KCNN2: variants seen among roughly 807,000 people sequenced by gnomAD.
KCNN2 encodes the protein small conductance calcium-activated potassium channel protein 2.
Under a neutral mutation model 55.5 loss-of-function variants are expected in KCNN2, and 24 were observed. The ratio of observed to expected loss-of-function variants is 0.43; its 90% CI spans 0.31 to 0.61. The LOEUF is 0.61. Ranked by LOEUF, KCNN2 falls within the 20% of genes least tolerant of loss-of-function variation. The pLI, the probability that KCNN2 is intolerant of heterozygous loss-of-function variation, is 0.08. For synonymous variants in KCNN2, 431 were observed against 336.1 expected, an observed-to-expected ratio of 1.28 and a Z score of -3.09; for missense variants, 754 against 853.6, an observed-to-expected ratio of 0.88 and a Z score of 1.45.
chr5:114,392,793 T>A (rs975573806), intron 2 of KCNN2, among the ~76,000 whole-genome samples: 1 of 140,080 alleles, frequency 7.1e-6, no homozygotes, highest in South Asian at 2.3e-4. Context: ...TCTTCTGTAG[T>A]GTTTTTTGTG....
At chr5:114,194,059 T>C (rs1753501547) in intron 1 of KCNN2, among the ~76,000 whole-genome samples, 1 of 152,140 alleles carries the variant, frequency 6.6e-6, no homozygotes. Flanking sequence ...ATCCTATTCA[T>C]CACTTCATCT....
At chr5:114,293,504 T>A (rs1254663649) in intron 2 of KCNN2, among the ~76,000 whole-genome samples, 1 of 152,182 alleles carries the variant, frequency 6.6e-6, no homozygotes, top group Admixed American at 6.5e-5. Flanking sequence ...TTATTGATTT[T>A]CATATGTTGA....
At chr5:114,375,976 A>C (rs990574154) in intron 2 of KCNN2, among the ~76,000 whole-genome samples, 1 of 143,106 alleles carries the variant, frequency 7.0e-6, no homozygotes. Context: ...ATATATATAT[A>C]TGTATTTTTT....
chr5:114,240,427 C>CTTT (rs201223682), intron 2 of KCNN2, among the ~76,000 whole-genome samples: 13 of 130,400 alleles, frequency 1.0e-4, no homozygotes, highest in African/African-American at 3.4e-4. Flanking sequence ...TTTTCTTTCT[C>CTTT]TTTTTTTTTT....
chr5:114,253,078 A>G (rs1052013611), intron 2 of KCNN2, among the ~76,000 whole-genome samples: 5 of 151,594 alleles, frequency 3.3e-5, no homozygotes, highest in African/African-American at 4.8e-5. Context: ...AAAGTTGTCA[A>G]AAAGATCCTT....
At chr5:114,164,530 G>A (rs1401019347) in intron 1 of KCNN2, among the ~76,000 whole-genome samples, 7 of 152,074 alleles carry the variant, frequency 4.6e-5, no homozygotes. Context: ...GAGTGGAATG[G>A]AGTTAGAAAG....
intron 2 of KCNN2, among the ~76,000 whole-genome samples, chr5:114,397,443 A>G (rs1047379004): frequency 4.6e-5 from 7 of 151,952 alleles, no homozygotes; most frequent in South Asian, 2.1e-4. Context: ...CTGGAGTGCA[A>G]TGGTGCTGTC....
intron 2 of KCNN2, among the ~76,000 whole-genome samples, chr5:114,279,718 G>T (rs1419417709): frequency 6.6e-6 from 1 of 152,134 alleles, no homozygotes; most frequent in Non-Finnish European, 1.5e-5. Flanking sequence ...ATGTGGGTTG[G>T]TTCCAAGTCT....
At chr5:114,465,194 T>C (rs947466999) in intron 4 of KCNN2, among the ~76,000 whole-genome samples, 1 of 152,228 alleles carries the variant, frequency 6.6e-6, no homozygotes, top group Non-Finnish European at 1.5e-5. Flanking sequence ...TTCCTTGATA[T>C]TTTCTTGTTC....
intron 1 of KCNN2, among the ~76,000 whole-genome samples, chr5:114,072,752 T>A (rs1470182849): frequency 1.3e-5 from 2 of 152,204 alleles, no homozygotes; most frequent in Non-Finnish European, 2.9e-5. Flanking sequence ...CTTTTGGACT[T>A]GGGAATTTCT....
intron 2 of KCNN2, among the ~76,000 whole-genome samples, chr5:114,341,332 T>A (rs1167161955): frequency 6.6e-6 from 1 of 152,076 alleles, no homozygotes; most frequent in Non-Finnish European, 1.5e-5. Context: ...GGATCAGGAG[T>A]TCAGTTCTGG....
At chr5:114,332,076 T>C (rs1756833523) in intron 2 of KCNN2, among the ~76,000 whole-genome samples, 1 of 152,254 alleles carries the variant, frequency 6.6e-6, no homozygotes, top group South Asian at 2.1e-4. Flanking sequence ...AAGACAAAGA[T>C]TACAGTAATT....
intron 2 of KCNN2, among the ~76,000 whole-genome samples, chr5:114,396,531 C>T (rs1758624636): frequency 6.7e-6 from 1 of 149,700 alleles, no homozygotes; most frequent in Non-Finnish European, 1.5e-5. Flanking sequence ...AGCATATAAG[C>T]ATAGTACCCA....
chr5:114,388,267 A>G (rs565252790), intron 2 of KCNN2, among the ~76,000 whole-genome samples: 1 of 152,096 alleles, frequency 6.6e-6, no homozygotes, highest in Admixed American at 6.5e-5. Flanking sequence ...ATTTTGGGTG[A>G]TGTGAAATAT....
intron 1 of KCNN2, among the ~76,000 whole-genome samples, chr5:114,119,512 T>G (rs1235966199): frequency 6.6e-6 from 1 of 152,220 alleles, no homozygotes; most frequent in Non-Finnish European, 1.5e-5. Context: ...CCACCGTTAT[T>G]TGGCACATCA....
At chr5:114,164,582 T>C in intron 1 of KCNN2, among the ~76,000 whole-genome samples, 1 of 152,264 alleles carries the variant, frequency 6.6e-6, no homozygotes, top group East Asian at 1.9e-4. Flanking sequence ...TATCCAACAA[T>C]AATATAATTG....
At chr5:114,233,443 C>CA (rs1000207617) in intron 2 of KCNN2, among the ~76,000 whole-genome samples, 1 of 151,972 alleles carries the variant, frequency 6.6e-6, no homozygotes, top group African/African-American at 2.4e-5. Context: ...CCTTGATTCA[C>CA]AAAAAAGACA....
intron 2 of KCNN2, among the ~76,000 whole-genome samples, chr5:114,390,651 C>A (rs1349751006): frequency 6.6e-6 from 1 of 152,124 alleles, no homozygotes; most frequent in Non-Finnish European, 1.5e-5. Flanking sequence ...TCAATTGTGG[C>A]ATGTCGAAAT....
chr5:114,294,726 G>A (rs1347135398), intron 2 of KCNN2, among the ~76,000 whole-genome samples: 7 of 152,140 alleles, frequency 4.6e-5, no homozygotes, highest in Admixed American at 1.3e-4. Flanking sequence ...GTGCAGAGCC[G>A]AGTTCAATTC....
Sources: allele counts gnomAD v4.1 joint callset (sites outside exome capture counted in the v4.1 genomes callset), GRCh38; gene constraint gnomAD v4.1.1; transcripts MANE v1.5; gene names NCBI Gene and HGNC (gene_info 2026-07-23, HGNC 2026-07-21).